The following PHLDB2 variants were observed in gnomAD, a reference collection of about 807,000 sequenced individuals.
PHLDB2 encodes pleckstrin homology-like domain family B member 2.
A neutral mutation model predicts 123.6 loss-of-function variants in PHLDB2; 71 were observed. The ratio of observed to expected loss-of-function variants is 0.57; its 90% confidence interval spans 0.47 to 0.70. The LOEUF (loss-of-function observed/expected upper bound fraction) is 0.70, where lower values mean the gene tolerates loss of function less well. Among genes scored for constraint, PHLDB2 ranks in the 30% least tolerant of loss-of-function variants. The pLI, the probability that PHLDB2 is intolerant of heterozygous loss-of-function variation, is 0.00. For synonymous variants in PHLDB2, 547 were observed against 541.6 expected, an observed-to-expected ratio of 1.01 and a Z score of -0.14; for missense variants, 1,446 against 1,519.5, an observed-to-expected ratio of 0.95 and a Z score of 0.80.
At chr3:111,949,147 A>G (rs2070526513) in intron 10 of PHLDB2, 72 bp downstream of exon 10, 3 of 1,549,512 alleles carry the variant, frequency 1.9e-6, no homozygotes, top group African/African-American at 2.7e-5. Context: ...GCCAACTGAA[A>G]ATGAGGTCCA....
chr3:111,752,088 C>T (rs993930303), intron 1 of PHLDB2, among the ~76,000 whole-genome samples: 1 of 152,140 alleles, frequency 6.6e-6, no homozygotes, highest in Non-Finnish European at 1.5e-5. Context: ...ACATAAACTA[C>T]CATATGGGGG....
intron 3 of PHLDB2, chr3:111,916,651 T>C (rs1276612375): frequency 2.6e-5 from 4 of 152,248 alleles, no homozygotes; most frequent in Non-Finnish European, 4.4e-5. Flanking sequence ...GGAAATATGC[T>C]AATTTTAGTT....
Position 111,852,777 on chromosome 3 carries a change from CACACAT to C in PHLDB2, c.67+6848_67+6853del, listed in dbSNP as rs1174597880. ...AGACACACACACACACACACACACA[CACACAT>C]ACACACACACCATCCTTTTCCTGCC... On this transcript the variant is annotated intron_variant, in intron 2 of 17. Transcript: ENST00000393923. 9.7e-5 allele frequency among the ~76,000 whole-genome samples: 11 copies of C among 113,088 alleles called. No homozygotes were observed. In the East Asian group the frequency reaches 1.1e-3, roughly 11 times the overall value. The allele number at this position is 113,088 out of a possible 152,430, so 74.2% of individuals were successfully genotyped here. A position where few individuals can be genotyped will look rare whatever the true frequency, so the allele number is the denominator to read the frequency against.
At chr3:111,838,929 C>T (rs2063541390) in intron 1 of PHLDB2, among the ~76,000 whole-genome samples, 1 of 152,052 alleles carries the variant, frequency 6.6e-6, no homozygotes, top group Non-Finnish European at 1.5e-5. Context: ...AGGAAGAATT[C>T]AGCAGAATGA....
Position 111,962,165 on chromosome 3 carries a change from G to T in PHLDB2, c.2930G>T (p.Arg977Leu). Residue 977 changes from arginine to leucine, a missense_variant, in exon 13 of 18, where the codon CGC (arginine) becomes CTC (leucine). Coordinates refer to ENST00000431670, the MANE Select transcript of PHLDB2 (RefSeq NM_001134438.2). ...GHRQKSEFYNRTASESNVYLN... is the reference protein window; with the variant it reads ...GHRQKSEFYNLTASESNVYLN... ...AGGCAGAAATCTGAATTTTATAACCGCACAGCATCTGAATCAAATGTCTAC... is the reference window on the plus strand; with the variant it reads ...AGGCAGAAATCTGAATTTTATAACCTCACAGCATCTGAATCAAATGTCTAC... 6 of 1,584,478 alleles carry T rather than the reference G, an allele frequency of 3.8e-6. No individual in the cohort carries two copies. Among genetic ancestry groups the T allele is most frequent in the South Asian group, 1.2e-5 (1 of 85,516 alleles).
chr3:111,898,755 C>T (rs1426038478), intron 2 of PHLDB2, among the ~76,000 whole-genome samples: 1 of 152,202 alleles, frequency 6.6e-6, no homozygotes, highest in East Asian at 1.9e-4. Flanking sequence ...TTTCTTCACT[C>T]ATCCATATGA....
At chr3:111,785,689 C>A (rs1417311693) in intron 1 of PHLDB2, among the ~76,000 whole-genome samples, 2 of 152,046 alleles carry the variant, frequency 1.3e-5, no homozygotes, top group African/African-American at 4.8e-5. Context: ...TTAATGCAAT[C>A]TTAAACTTCT....
At chr3:111,925,176 C>G (rs2068747003) in intron 5 of PHLDB2, among the ~76,000 whole-genome samples, 1 of 152,120 alleles carries the variant, frequency 6.6e-6, no homozygotes. Flanking sequence ...ATTTTTTTGG[C>G]TCTGAAGATT....
chr3:111,807,717 C>T (rs1443798934), intron 1 of PHLDB2, among the ~76,000 whole-genome samples: 3 of 151,814 alleles, frequency 2.0e-5, no homozygotes, highest in Non-Finnish European at 4.4e-5. Flanking sequence ...TATGATGGAC[C>T]CACTGCACTA....
intron 1 of PHLDB2, among the ~76,000 whole-genome samples, chr3:111,860,037 G>C (rs558186717): frequency 6.7e-6 from 1 of 150,276 alleles, no homozygotes; most frequent in Admixed American, 6.6e-5. Context: ...TAGATCTCCG[G>C]TTGAGGGGAT....
chr3:111,952,980 G>A (rs549208051), intron 11 of PHLDB2, among the ~76,000 whole-genome samples: 108 of 152,184 alleles, frequency 7.1e-4, no homozygotes, highest in African/African-American at 2.4e-3. Flanking sequence ...ATGGACTTCC[G>A]TGGCTGCATC....
At chr3:111,945,732 T>G (rs1016008148) in intron 9 of PHLDB2, among the ~76,000 whole-genome samples, 1 of 152,124 alleles carries the variant, frequency 6.6e-6, no homozygotes, top group African/African-American at 2.4e-5. Context: ...CTTATTTTGC[T>G]TCTCCTTCTC....
chr3:111,796,716 A>G (rs1023897023), intron 1 of PHLDB2, among the ~76,000 whole-genome samples: 1 of 152,028 alleles, frequency 6.6e-6, no homozygotes, highest in Non-Finnish European at 1.5e-5. Context: ...TAGCTGAGAC[A>G]GGGTCTTGCC....
At chr3:111,951,200 T>G (rs1381357042) in intron 10 of PHLDB2, among the ~76,000 whole-genome samples, 1 of 152,306 alleles carries the variant, frequency 6.6e-6, no homozygotes, top group Non-Finnish European at 1.5e-5. Flanking sequence ...ATCATCTTAG[T>G]ATGGACTACC....
intron 1 of PHLDB2, among the ~76,000 whole-genome samples, chr3:111,756,452 C>T (rs1173815011): frequency 6.6e-6 from 1 of 152,140 alleles, no homozygotes; most frequent in African/African-American, 2.4e-5. Flanking sequence ...AGTCTTTTAT[C>T]AGAGACTAGG....
intron 1 of PHLDB2, among the ~76,000 whole-genome samples, chr3:111,741,362 A>G (rs936213292): frequency 2.4e-4 from 36 of 152,212 alleles, no homozygotes; most frequent in African/African-American, 8.0e-4. Context: ...ACTGTTTCTG[A>G]TAATCCCATG....
chr3:111,919,215 G>A lies in PHLDB2; in HGVS notation c.1863G>A (p.Glu621=). 1.9e-6 allele frequency: 3 copies of A among 1,613,842 alleles called. No homozygotes were observed. Among genetic ancestry groups the A allele is most frequent in the Non-Finnish European group, 2.5e-6 (3 of 1,179,806 alleles). ...ATCAGATGGATGAGTCTTTCAGAGA[G>A]GTAAACTTTTTACCCTCTTCCCTTT... is the stretch of plus-strand genomic sequence containing the variant. The part of the protein sequence containing the change: ...INDQMDESFR[E]LDMECALLDG... Residue 621 remains glutamate, a splice_region_variant and synonymous_variant, in exon 4 of 18, where the codon GAG becomes GAA. Transcript: ENST00000431670.
chr3:111,820,391 C>A (rs184832232), intron 1 of PHLDB2, among the ~76,000 whole-genome samples: 1 of 152,250 alleles, frequency 6.6e-6, no homozygotes, highest in Admixed American at 6.5e-5. Context: ...GTTTAGAATT[C>A]TCAGACCCCT....
intron 6 of PHLDB2, among the ~76,000 whole-genome samples, chr3:111,934,745 GA>G (rs1459889838): frequency 1.3e-5 from 2 of 152,144 alleles, no homozygotes; most frequent in Non-Finnish European, 2.9e-5. Flanking sequence ...TAATAGTGTA[GA>G]AAAGAAAACT....
Sources: allele counts gnomAD v4.1 joint callset (sites outside exome capture counted in the v4.1 genomes callset), GRCh38; gene constraint gnomAD v4.1.1; transcripts MANE v1.5; gene names NCBI Gene and HGNC (gene_info 2026-07-23, HGNC 2026-07-21).